Variants in PLA2G3 observed in about 807,000 individuals in gnomAD.
PLA2G3 encodes phospholipase A2 group III.
A neutral mutation model predicts 51.3 loss-of-function variants in PLA2G3; 39 were observed. The observed-to-expected ratio is 0.76, with a 90% CI of 0.59 to 0.99. PLA2G3 has a LOEUF of 0.99. PLA2G3 is among the 50% of genes least tolerant of loss of function. The pLI is 0.00. For missense variants in PLA2G3, 677 were observed against 662.1 expected, an observed-to-expected ratio of 1.02 and a Z score of -0.25; for synonymous variants, 293 against 263.1, an observed-to-expected ratio of 1.11 and a Z score of -1.10.
chr22:31,137,845 C>T lies in PLA2G3; in HGVS notation c.931G>A (p.Gly311Arg), dbSNP rs577217651. Reference sequence around the variant, plus strand: ...TTGGACCCTTTCTGATGTGGTGGCCCCTTCCGAAGGTGCTGCTTCTGTCGA... The same window carrying T: ...TTGGACCCTTTCTGATGTGGTGGCCTCTTCCGAAGGTGCTGCTTCTGTCGA... ...KPRQKQHLRK[G>R]PPHQKGSKRP... The change falls in exon 4 of 7, where the codon GGG (glycine) becomes AGG (arginine). Residue 311 changes from glycine to arginine, a missense_variant. Physicochemically the swap from Gly to Arg is moderately radical, Grantham distance 125. Transcript: ENST00000215885. 4 of 1,614,066 alleles carry T rather than the reference C, an allele frequency of 2.5e-6. No homozygotes were observed. Among genetic ancestry groups the T allele is most frequent in the East Asian group, 2.2e-5 (1 of 44,860 alleles).
Position 31,140,220 on chromosome 22 carries a change from C to T in PLA2G3, c.135G>A (p.Leu45=). 6.2e-7 allele frequency: 1 copy of T among 1,612,738 alleles called. No homozygotes were observed. Among genetic ancestry groups the T allele is most frequent in the Non-Finnish European group, 8.5e-7 (1 of 1,180,018 alleles). The part of the protein sequence containing the change: ...KAVPGNPLGY[L]SFLAKDAQGL... Reference sequence around the variant, plus strand: ...CCTGAGCATCCTTGGCCAGGAAGCTCAGGTACCCCAGTGGGTTGCCAGGGA... The same window carrying T: ...CCTGAGCATCCTTGGCCAGGAAGCTTAGGTACCCCAGTGGGTTGCCAGGGA... Residue 45 remains leucine, a synonymous_variant, in exon 1 of 7, where the codon CTG becomes CTA. Coordinates refer to ENST00000215885, the MANE Select transcript of PLA2G3 (RefSeq NM_015715.5).
chr22:31,137,181 G>A (rs1015595157), intron 4 of PLA2G3, 141 bp from the exon 5 acceptor site: 7 of 924,540 alleles, frequency 7.6e-6, no homozygotes, highest in African/African-American at 6.8e-5. Context: ...CTGAGTCTTT[G>A]TGCCCTCAGT....
At position 31,140,253 on chromosome 22, in the gene PLA2G3, G is replaced by C; in HGVS notation, c.102C>G (p.Thr34=). 6.2e-7 allele frequency: 1 copy of C among 1,612,514 alleles called. No individual in the cohort carries two copies. The change falls in exon 1 of 7, where the codon ACC becomes ACG. Residue 34 remains threonine, a synonymous_variant. Transcript: ENST00000215885. The stretch of plus-strand genomic sequence containing the variant: ...CCAGTGGGTTGCCAGGGACGGCCTT[G>C]GTCAAGTGGCAGGAGGTCCTGTACC... ...LRWYRTSCHL[T]KAVPGNPLGY...
chr22:31,136,036 G>A, intron 6 of PLA2G3, 100 bp from the exon 7 acceptor site: 1 of 961,490 alleles, frequency 1.0e-6, no homozygotes, highest in Non-Finnish European at 1.6e-6. Context: ...GGGGGCTGGG[G>A]CCACAGTCAC....
chr22:31,138,036 C>A, intron 3 of PLA2G3, 43 bp from the exon 4 acceptor site: 2 of 1,516,332 alleles, frequency 1.3e-6, no homozygotes, highest in Non-Finnish European at 1.8e-6. Flanking sequence ...TGGGAATCCC[C>A]CTTCCAGAAG....
At position 31,137,029 on chromosome 22, in the gene PLA2G3, C is replaced by G. The variant is rs1922615271; in HGVS notation, c.1078G>C (p.Val360Leu). Residue 360 changes from valine (V) to leucine (L), a missense_variant, in exon 5 of 7, where the codon GTC becomes CTC. By Grantham distance (32) the Val-to-Leu change is conservative (BLOSUM62 1). Transcript: ENST00000215885. ...GGLKPQGARWVCRSFRRHLDQ... is the reference protein window; with the variant it reads ...GGLKPQGARWLCRSFRRHLDQ... ...AGGTGGCGGCGGAAGCTGCGGCAGA[C>G]CCAGCGGGCACCTGAGGGGTGGATG... 1 of 1,540,886 alleles carries G rather than the reference C, an allele frequency of 6.5e-7. No homozygotes were observed. Among genetic ancestry groups the G allele is most frequent in the Non-Finnish European group, 8.8e-7 (1 of 1,142,578 alleles).
At chr22:31,138,141 G>C in intron 3 of PLA2G3, 135 bp downstream of exon 3, 1 of 1,332,718 alleles carries the variant, frequency 7.5e-7, no homozygotes, top group Non-Finnish European at 1.0e-6. Context: ...TCTGCATCCC[G>C]GGCCCTCAGG....
In PLA2G3 at chr22:31,136,937, C is replaced by T; in HGVS notation, c.1170G>A (p.Glu390=). 6.2e-7 allele frequency: 1 copy of T among 1,605,288 alleles called. No homozygotes were observed. The highest frequency in any genetic ancestry group is 8.5e-7 in the Non-Finnish European group (1 of 1,176,288). ...GCGTGCAGTTGCAGTGGAAGAGGGG[C>T]TCTTGGGCGCTGTTGAGCAGCTGGA... ...IEFQLLNSAQ[E]PLFHCNCTRR... The change falls in exon 5 of 7, where the codon GAG becomes GAA. Residue 390 remains glutamate (E), a synonymous_variant. Coordinates refer to ENST00000215885, the MANE Select transcript of PLA2G3 (RefSeq NM_015715.5).
chr22:31,137,982 T>C lies in PLA2G3; in HGVS notation c.794A>G (p.Tyr265Cys). The C allele has an allele frequency of 1.9e-6, 3 of 1,563,536 alleles. No individual in the cohort carries two copies. Among genetic ancestry groups the C allele is most frequent in the Non-Finnish European group, 2.6e-6 (3 of 1,159,094 alleles). The change falls in exon 4 of 7, where the codon TAC becomes TGC. Residue 265 changes from tyrosine (Y) to cysteine (C), a missense_variant. Physicochemically the swap from Tyr to Cys is radical, Grantham distance 194 (BLOSUM62 -2). Transcript: ENST00000215885. ...CAGGCGAGCGAGGGGCACTGTGCCG[T>C]ACATCCTACACCTGGGTGGTGGCAG... ...AWYWWGGCRM[Y>C]GTVPLARLQP...
At chr22:31,138,588 A>G (rs944895497) in intron 2 of PLA2G3, 79 bp downstream of exon 2, 100 of 1,569,426 alleles carry the variant, frequency 6.4e-5, no homozygotes, top group Non-Finnish European at 8.0e-5. Context: ...ATCCTCTGCA[A>G]TCCCAATGTC....
rs760199042 is a variant in PLA2G3 at position 31,135,677 on chromosome 22, C to T, written c.*46G>A. On this transcript the variant is annotated 3_prime_UTR_variant, in exon 7 of 7. Coordinates refer to ENST00000215885, the MANE Select transcript of PLA2G3 (RefSeq NM_015715.5). ...CTGAGATTCCCAAGGCTTGGCATAG[C>T]CATGGGCAAGGTCCAGGCTGGTGCC... is the stretch of plus-strand genomic sequence containing the variant. The T allele has an allele frequency of 2.1e-6, 3 of 1,449,994 alleles. No homozygotes were observed. The highest frequency in any genetic ancestry group is 2.3e-5 in the South Asian group (2 of 87,176). 89.8% of individuals were successfully genotyped at this position (1,449,994 alleles called of 1,614,324 possible).
chr22:31,137,520 A>C (rs1172768022), intron 4 of PLA2G3, among the ~76,000 whole-genome samples, 190 bp downstream of exon 4: 1 of 152,208 alleles, frequency 6.6e-6, no homozygotes. Flanking sequence ...TGGTGGGTGC[A>C]CAGTGGGGCC....
In PLA2G3 at chr22:31,140,107, T is replaced by C; in HGVS notation, c.248A>G (p.Tyr83Cys). Residue 83 changes from tyrosine (Y) to cysteine (C), a missense_variant, in exon 1 of 7, where the codon TAC becomes TGC. Tyr to Cys is a radical substitution (Grantham distance 194). Transcript: ENST00000215885. The stretch of plus-strand genomic sequence containing the variant: ...AGTCTCATGAGCACAGAGAGCACCG[T>C]AGGCTGCGGTGAGCTCCGGCTCATC... ...WEDEPELTAA[Y>C]GALCAHETAW... 6.2e-7 allele frequency: 1 copy of C among 1,613,270 alleles called. No homozygotes were observed. The highest frequency in any genetic ancestry group is 1.1e-5 in the South Asian group (1 of 91,076).
At position 31,138,745 on chromosome 22, in the gene PLA2G3, T is replaced by A; in HGVS notation, c.569A>T (p.Asn190Ile). The change falls in exon 2 of 7, where the codon AAC (asparagine) becomes ATC (isoleucine). Residue 190 changes from asparagine to isoleucine, a missense_variant. Coordinates refer to ENST00000215885, the MANE Select transcript of PLA2G3 (RefSeq NM_015715.5). ...ATAGTTGTACTGCAAGGGTGAGATG[T>A]TCTGTGGGCAGCGGTCATGTTCCCG... ...CCREHDRCPQ[N>I]ISPLQYNYGI... 1.9e-6 allele frequency: 3 copies of A among 1,614,026 alleles called. No individual in the cohort carries two copies. The highest frequency in any genetic ancestry group is 2.5e-6 in the Non-Finnish European group (3 of 1,179,978).
At position 31,135,915 on chromosome 22, in the gene PLA2G3, G is replaced by A. The variant is rs762615383; in HGVS notation, c.1338C>T (p.Ala446=). 1 of 1,613,404 alleles carries A rather than the reference G, an allele frequency of 6.2e-7. No individual in the cohort carries two copies. The highest frequency in any genetic ancestry group is 1.3e-5 in the African/African-American group (1 of 74,936). The part of the protein sequence containing the change: ...EGKNCSRDPR[A]IRVSARHLRR... ...GCAAGTGCCGGGCTGACACCCTGATGGCCCTAGGGTCTCTGGAACAGCTGT... is the reference window on the plus strand; with the variant it reads ...GCAAGTGCCGGGCTGACACCCTGATAGCCCTAGGGTCTCTGGAACAGCTGT... The change falls in exon 7 of 7, where the codon GCC becomes GCT. Residue 446 remains alanine (A), a synonymous_variant. Coordinates refer to ENST00000215885, the MANE Select transcript of PLA2G3 (RefSeq NM_015715.5).
Position 31,137,056 on chromosome 22 carries a change from G to GGT in PLA2G3, c.1067-18_1067-17dup, listed in dbSNP as rs1366595776. On this transcript the variant is annotated splice_polypyrimidine_tract_variant and intron_variant, in intron 4 of 6. Transcript: ENST00000215885. ...CAGCGGGCACCTGAGGGGTGGATGT[G>GGT]GTGTTGATGGGAGCCCAATCCACCA... is the stretch of plus-strand genomic sequence containing the variant. 2.1e-5 allele frequency: 31 copies of GGT among 1,503,174 alleles called. No homozygotes were observed. Among genetic ancestry groups the GGT allele is most frequent in the Non-Finnish European group, 2.7e-5 (30 of 1,124,934 alleles). 93.1% of individuals were successfully genotyped at this position (1,503,174 alleles called of 1,614,324 possible).
In PLA2G3 at chr22:31,137,842, G is replaced by A. The variant is rs1399086202; in HGVS notation, c.934C>T (p.Pro312Ser). Residue 312 changes from proline to serine, a missense_variant, in exon 4 of 7, where the codon CCA becomes TCA. Pro to Ser is a moderately conservative substitution (Grantham distance 74). Transcript: ENST00000215885. ...PRQKQHLRKG[P>S]PHQKGSKRPS... is the part of the protein sequence containing the mutation. ...CGCTTGGACCCTTTCTGATGTGGTG[G>A]CCCCTTCCGAAGGTGCTGCTTCTGT... 6.2e-7 allele frequency: 1 copy of A among 1,614,130 alleles called. No individual in the cohort carries two copies. The highest frequency in any genetic ancestry group is 8.5e-7 in the Non-Finnish European group (1 of 1,180,008).
Position 31,140,092 on chromosome 22 carries a change from G to A in PLA2G3, c.263C>T (p.Ala88Val). 6.2e-7 allele frequency: 1 copy of A among 1,613,360 alleles called. No individual in the cohort carries two copies. Among genetic ancestry groups the A allele is most frequent in the Non-Finnish European group, 8.5e-7 (1 of 1,180,004 alleles). ...ELTAAYGALC[A>V]HETAWGSFIH... is the part of the protein sequence containing the mutation. Reference sequence around the variant, plus strand: ...GAAGGAGCCCCAGGCAGTCTCATGAGCACAGAGAGCACCGTAGGCTGCGGT... The same window carrying A: ...GAAGGAGCCCCAGGCAGTCTCATGAACACAGAGAGCACCGTAGGCTGCGGT... Residue 88 changes from alanine (A) to valine (V), a missense_variant, in exon 1 of 7, where the codon GCT becomes GTT. Transcript: ENST00000215885.
rs2232175 is a variant in PLA2G3, at chr22:31,140,247, G to C, written c.108C>G (p.Ala36=). 1,367 of 1,612,582 alleles carry C rather than the reference G, an allele frequency of 8.5e-4. 4 individuals are homozygous for C. Among genetic ancestry groups the C allele is most frequent in the Middle Eastern group, 6.4e-3 (39 of 6,062 alleles). The change falls in exon 1 of 7, where the codon GCC becomes GCG. Residue 36 remains alanine, a synonymous_variant. Transcript: ENST00000215885. ...WYRTSCHLTK[A]VPGNPLGYLS... is the part of the protein sequence containing the mutation. ...GGTACCCCAGTGGGTTGCCAGGGAC[G>C]GCCTTGGTCAAGTGGCAGGAGGTCC...
Sources: gnomAD v4.1 joint callset for allele counts (sites outside exome capture counted in the v4.1 genomes callset) on GRCh38, gnomAD v4.1.1 for gene constraint, MANE v1.5 for transcripts, NCBI Gene and HGNC (gene_info 2026-07-23, HGNC 2026-07-21) for gene names.